Variants in RGS22 observed in about 807,000 individuals in gnomAD.
RGS22 encodes regulator of G protein signaling 22, also known as regulator of G-protein signaling 22.
In RGS22, 148 loss-of-function variants were observed where a neutral mutation model predicts 172.9. That is an observed-to-expected ratio of 0.86 (90% CI 0.75 to 0.98). The LOEUF is 0.98. Among genes scored for constraint, RGS22 ranks in the 50% least tolerant of loss-of-function variants. The pLI is 0.00. For synonymous variants in RGS22, 458 were observed against 480.2 expected, an observed-to-expected ratio of 0.95 and a Z score of 0.60; for missense variants, 1,347 against 1,440.8, an observed-to-expected ratio of 0.93 and a Z score of 1.05.
At chr8:100,017,273 T>C (rs537735136) in intron 14 of RGS22, among the ~76,000 whole-genome samples, 32 of 152,242 alleles carry the variant, frequency 2.1e-4, no homozygotes, top group African/African-American at 6.7e-4. Flanking sequence ...TGAGCCACCA[T>C]GCCCAGTCCT....
At chr8:99,986,754 C>T (rs968108666) in intron 21 of RGS22, among the ~76,000 whole-genome samples, 1 of 151,872 alleles carries the variant, frequency 6.6e-6, no homozygotes, top group Non-Finnish European at 1.5e-5. Flanking sequence ...TAATTCTTTT[C>T]TCTTCTCTGT....
chr8:100,080,151 C>T lies in RGS22; in HGVS notation c.322G>A (p.Val108Ile). 1 of 1,602,418 alleles carries T rather than the reference C, an allele frequency of 6.2e-7. No individual in the cohort carries two copies. The highest frequency in any genetic ancestry group is 8.5e-7 in the Non-Finnish European group (1 of 1,170,038). The stretch of plus-strand genomic sequence containing the variant: ...TTTCTTACCATAATATTGTAGTTGA[C>T]ATTAATGGTCTCATCTTCATCGGGG... ...NAPDEDETIN[V>I]NYNIMCLSRE... Residue 108 changes from valine to isoleucine, a missense_variant, in exon 4 of 28, where the codon GTC becomes ATC. Val to Ile is a conservative substitution (Grantham distance 29). Transcript: ENST00000360863.
In RGS22 at chr8:99,962,711, T is replaced by G. The variant is rs1471961140; in HGVS notation, c.3766A>C (p.Asn1256His). ...CTCTGGCTGCTGTGGGCAGACATATTCTTTTTCAAAGACATAGTTGAAGAG... is the reference window on the plus strand; with the variant it reads ...CTCTGGCTGCTGTGGGCAGACATATGCTTTTTCAAAGACATAGTTGAAGAG... Reference protein sequence around the residue: ...ASSSTMSLKKNMSAHSSQK With the variant: ...ASSSTMSLKKHMSAHSSQK The change falls in exon 26 of 28, where the codon AAT becomes CAT. Residue 1256 changes from asparagine to histidine, a missense_variant. Coordinates refer to ENST00000360863, the MANE Select transcript of RGS22 (RefSeq NM_015668.5). 6.2e-7 allele frequency: 1 copy of G among 1,611,210 alleles called. No homozygotes were observed. Among genetic ancestry groups the G allele is most frequent in the Non-Finnish European group, 8.5e-7 (1 of 1,179,266 alleles).
intron 14 of RGS22, among the ~76,000 whole-genome samples, chr8:100,025,990 A>G (rs533904989): frequency 6.6e-6 from 1 of 151,720 alleles, no homozygotes; most frequent in South Asian, 2.1e-4. Context: ...TTTGTTCACC[A>G]AGGTGTTCCC....
intron 14 of RGS22, among the ~76,000 whole-genome samples, chr8:100,015,725 A>G (rs1455513721): frequency 6.6e-6 from 1 of 152,252 alleles, no homozygotes; most frequent in Non-Finnish European, 1.5e-5. Context: ...TAACAAAAAC[A>G]AATATCAGGA....
At chr8:100,093,567 A>G (rs1812749158) in intron 2 of RGS22, 58 bp from the exon 3 acceptor site, 1 of 1,137,780 alleles carries the variant, frequency 8.8e-7, no homozygotes, top group Non-Finnish European at 1.3e-6. Flanking sequence ...AATCATGCCT[A>G]TATTATTCTC....
intron 11 of RGS22, among the ~76,000 whole-genome samples, chr8:100,044,067 G>T (rs1729404393): frequency 6.6e-6 from 1 of 152,182 alleles, no homozygotes; most frequent in South Asian, 2.1e-4. Context: ...AACAAGTAGA[G>T]ATTAAATCAA....
At chr8:100,092,655 C>G (rs1812671165) in intron 3 of RGS22, among the ~76,000 whole-genome samples, 1 of 152,152 alleles carries the variant, frequency 6.6e-6, no homozygotes, top group South Asian at 2.1e-4. Context: ...AGATGCAGCC[C>G]CTTGATCTTG....
rs1264915503 is a variant in RGS22 at position 100,054,784 on chromosome 8, C to A, written c.1515-1808G>T. ...CTTTACTTGCAGACTTGGAAATATTCAAAATTACTTATTTGCATGTCAACC... is the reference window on the plus strand; with the variant it reads ...CTTTACTTGCAGACTTGGAAATATTAAAAATTACTTATTTGCATGTCAACC... On this transcript the variant is annotated intron_variant, in intron 9 of 27. Coordinates refer to ENST00000360863, the MANE Select transcript of RGS22 (RefSeq NM_015668.5). Among the ~76,000 whole-genome samples the A allele has an allele frequency of 2.6e-5, 4 of 151,858 alleles. No homozygotes were observed. The East Asian group carries it at 7.7e-4, about 29-fold the overall frequency.
chr8:100,016,749 C>T (rs762162228), intron 14 of RGS22, among the ~76,000 whole-genome samples: 1 of 151,936 alleles, frequency 6.6e-6, no homozygotes, highest in African/African-American at 2.4e-5. Flanking sequence ...TGCATTCCAG[C>T]CTGGGCGACA....
chr8:99,965,464 A>G (rs752848616), intron 23 of RGS22, 34 bp from the exon 24 acceptor site: 2 of 1,399,650 alleles, frequency 1.4e-6, no homozygotes, highest in South Asian at 2.5e-5. Flanking sequence ...ATTACCCAGA[A>G]AAGATAATGA....
At chr8:100,064,570 G>C (rs1225252057) in intron 7 of RGS22, among the ~76,000 whole-genome samples, 1 of 152,140 alleles carries the variant, frequency 6.6e-6, no homozygotes, top group East Asian at 1.9e-4. Flanking sequence ...GTCTTCCCTG[G>C]ATTTGGAGGA....
chr8:100,038,914 T>C lies in RGS22; in HGVS notation c.2166+17A>G, dbSNP rs377385318. ...TACTTAGTGCTTCACATTGAACCAATATTATTTACTACGTACTTGCGCTTG... is the reference window on the plus strand; with the variant it reads ...TACTTAGTGCTTCACATTGAACCAACATTATTTACTACGTACTTGCGCTTG... On this transcript the variant is annotated intron_variant, in intron 14 of 27. Coordinates refer to ENST00000360863, the MANE Select transcript of RGS22 (RefSeq NM_015668.5). 3 of 1,533,938 alleles carry C rather than the reference T, an allele frequency of 2.0e-6. No individual in the cohort carries two copies. The highest frequency in any genetic ancestry group is 2.3e-5 in the East Asian group (1 of 44,252).
intron 14 of RGS22, among the ~76,000 whole-genome samples, chr8:100,030,824 A>T (rs1033368428): frequency 6.6e-6 from 1 of 152,186 alleles, no homozygotes; most frequent in Non-Finnish European, 1.5e-5. Flanking sequence ...GAAAGTAAGG[A>T]ATATGACACA....
At chr8:100,005,686 T>C (rs543363359) in intron 16 of RGS22, among the ~76,000 whole-genome samples, 53 of 152,282 alleles carry the variant, frequency 3.5e-4, no homozygotes, top group African/African-American at 1.1e-3. Flanking sequence ...TGACAACAAA[T>C]AGAAAGAGCA....
chr8:100,083,756 G>A (rs769193239), intron 3 of RGS22, among the ~76,000 whole-genome samples: 2 of 151,450 alleles, frequency 1.3e-5, no homozygotes, highest in Admixed American at 6.6e-5. Flanking sequence ...GTCCCCTAAT[G>A]AGCTTACAAC....
intron 14 of RGS22, among the ~76,000 whole-genome samples, chr8:100,031,484 C>T (rs1020275752): frequency 6.6e-6 from 1 of 152,110 alleles, no homozygotes; most frequent in Admixed American, 6.6e-5. Flanking sequence ...TACCTACCCT[C>T]TTCATTCATT....
chr8:99,975,145 C>CAA (rs200402080), intron 23 of RGS22, among the ~76,000 whole-genome samples: 1 of 137,580 alleles, frequency 7.3e-6, no homozygotes, highest in African/African-American at 2.7e-5. Context: ...GACTCCATCT[C>CAA]AAAAAAAAAA....
At position 100,064,012 on chromosome 8, in the gene RGS22, AGG is replaced by A; in HGVS notation, c.754_755del (p.Pro252Ter). On this transcript the variant is annotated frameshift_variant, in exon 8 of 28. Coordinates refer to ENST00000360863, the MANE Select transcript of RGS22 (RefSeq NM_015668.5). LOFTEE classifies it high-confidence loss of function. ...TTTTAGATGGGTCCTTTTTTGTCCTAGGGTGAACTCCATCATCAAAGATAAAA... is the reference window on the plus strand; with the variant it reads ...TTTTAGATGGGTCCTTTTTTGTCCTAGTGAACTCCATCATCAAAGATAAAA... Reference protein sequence around the residue: ...ENFIFDDGVHPRTKKDPSKTN... With the variant: ...ENFIFDDGVHXRTKKDPSKTN... 2 of 1,526,726 alleles carry A rather than the reference AGG, an allele frequency of 1.3e-6. No individual in the cohort carries two copies. The highest frequency in any genetic ancestry group is 1.8e-6 in the Non-Finnish European group (2 of 1,142,444). 94.6% of individuals were successfully genotyped at this position (1,526,726 alleles called of 1,614,324 possible).
Sources: gnomAD v4.1 joint callset for allele counts (sites outside exome capture counted in the v4.1 genomes callset) on GRCh38, gnomAD v4.1.1 for gene constraint, MANE v1.5 for transcripts, NCBI Gene and HGNC (gene_info 2026-07-23, HGNC 2026-07-21) for gene names.